The following CFAP299 variants were observed in gnomAD, a reference collection of about 807,000 sequenced individuals.
The protein encoded by CFAP299 is cilia- and flagella-associated protein 299.
CFAP299 carries 21 observed loss-of-function variants against 27.0 expected under a neutral mutation model. The ratio of observed to expected loss-of-function variants is 0.78; its 90% confidence interval spans 0.55 to 1.12. The LOEUF is 1.12. Among genes scored for constraint, CFAP299 ranks in the 50% most tolerant of loss-of-function variants. The probability of loss-of-function intolerance (pLI) is 0.00; values close to 1 mark genes in which losing one functional copy is unlikely to be tolerated. For missense variants in CFAP299, 310 were observed against 276.6 expected (o/e 1.12, Z -0.86); for synonymous variants, 104 against 98.1 (o/e 1.06, Z -0.36).
intron 2 of CFAP299, among the ~76,000 whole-genome samples, chr4:80,482,202 T>G (rs2110128624): frequency 6.6e-6 from 1 of 151,678 alleles, no homozygotes; most frequent in East Asian, 1.9e-4. Context: ...AATGAGAAAG[T>G]GCACATTAAA....
At chr4:80,406,936 G>A (rs566028766) in intron 2 of CFAP299, among the ~76,000 whole-genome samples, 9 of 152,040 alleles carry the variant, frequency 5.9e-5, no homozygotes, top group East Asian at 1.9e-4. Flanking sequence ...GTGGTAGGGC[G>A]CTGTATGTTT....
chr4:80,638,916 G>T (rs879291218), intron 3 of CFAP299, among the ~76,000 whole-genome samples: 1 of 152,154 alleles, frequency 6.6e-6, no homozygotes, highest in Non-Finnish European at 1.5e-5. Flanking sequence ...TGAGATGAGC[G>T]AGTGTGGTAG....
intron 2 of CFAP299, among the ~76,000 whole-genome samples, chr4:80,393,060 T>C (rs992985484): frequency 1.3e-5 from 2 of 152,126 alleles, no homozygotes; most frequent in African/African-American, 4.8e-5. Flanking sequence ...GTGATATTGA[T>C]GATCCTGACC....
chr4:80,727,141 C>A (rs967436464), intron 3 of CFAP299, among the ~76,000 whole-genome samples: 1 of 151,888 alleles, frequency 6.6e-6, no homozygotes, highest in Non-Finnish European at 1.5e-5. Flanking sequence ...TATGAAAGAA[C>A]GTCTATGTAT....
chr4:80,817,632 A>G (rs1325060665), intron 3 of CFAP299, among the ~76,000 whole-genome samples: 1 of 152,092 alleles, frequency 6.6e-6, no homozygotes, highest in East Asian at 1.9e-4. Flanking sequence ...AGGTACCATC[A>G]TCAATGATTC....
At chr4:80,366,246 C>T (rs1001190959) in intron 2 of CFAP299, among the ~76,000 whole-genome samples, 1 of 152,198 alleles carries the variant, frequency 6.6e-6, no homozygotes, top group African/African-American at 2.4e-5. Flanking sequence ...GATCATCTTA[C>T]ATTAACTTCT....
intron 3 of CFAP299, among the ~76,000 whole-genome samples, chr4:80,862,801 T>TTA (rs138583016): frequency 0.038 from 5,714 of 152,034 alleles, 160 homozygotes; most frequent in Non-Finnish European, 0.056. Flanking sequence ...ATTATATATT[T>TTA]TATATATATA....
intron 3 of CFAP299, among the ~76,000 whole-genome samples, chr4:80,796,314 T>C (rs1727858799): frequency 6.6e-6 from 1 of 152,176 alleles, no homozygotes; most frequent in African/African-American, 2.4e-5. Flanking sequence ...TTATTTCCCA[T>C]CCTCTGGCAT....
At chr4:80,956,508 C>T (rs1422363875) in intron 5 of CFAP299, among the ~76,000 whole-genome samples, 3 of 152,122 alleles carry the variant, frequency 2.0e-5, no homozygotes, top group Non-Finnish European at 4.4e-5. Context: ...CATAAACTCA[C>T]TGTAGCCTAG....
intron 2 of CFAP299, among the ~76,000 whole-genome samples, chr4:80,564,539 A>T (rs1735189700): frequency 6.6e-6 from 1 of 152,032 alleles, no homozygotes; most frequent in African/African-American, 2.4e-5. Flanking sequence ...TCAACATAAT[A>T]AAAGCCATGT....
rs542398433 is a variant in CFAP299 at position 80,812,626 on chromosome 4, CA to C, written c.334-57366del. Among the ~76,000 whole-genome samples the C allele has an allele frequency of 1.7e-3, 258 of 152,200 alleles. 2 individuals are homozygous for C. Among genetic ancestry groups the C allele is most frequent in the African/African-American group, 6.0e-3 (250 of 41,542 alleles). On this transcript the variant is annotated intron_variant, in intron 3 of 5. Coordinates refer to ENST00000358105, the MANE Select transcript of CFAP299 (RefSeq NM_152770.3). ...GCTTTATGAACTAATGTAGAACTTG[CA>C]GTCTAGTGCAGACAACCAAGGTGGT...
chr4:80,800,550 CAATATATTATATAATATATTAATATA>C (rs1728478433), intron 3 of CFAP299, among the ~76,000 whole-genome samples: 1 of 18,744 alleles, frequency 5.3e-5, no homozygotes, highest in Non-Finnish European at 7.9e-5. Context: ...TATAATATAT[CAATATATTATATAATATATTAATATA>C]AATATATAAT....
At chr4:80,546,783 C>G (rs922595281) in intron 2 of CFAP299, among the ~76,000 whole-genome samples, 1 of 152,120 alleles carries the variant, frequency 6.6e-6, no homozygotes, top group South Asian at 2.1e-4. Flanking sequence ...CCCTGAGACT[C>G]TCTCAGAAGC....
At chr4:80,378,986 T>G (rs531147895) in intron 2 of CFAP299, among the ~76,000 whole-genome samples, 10 of 152,222 alleles carry the variant, frequency 6.6e-5, no homozygotes, top group African/African-American at 1.9e-4. Context: ...TTACTTGCTC[T>G]TCTACTTTTT....
intron 2 of CFAP299, among the ~76,000 whole-genome samples, chr4:80,465,018 G>A (rs1207710119): frequency 6.6e-6 from 1 of 151,854 alleles, no homozygotes; most frequent in Non-Finnish European, 1.5e-5. Flanking sequence ...CTTGTTTTAA[G>A]GAATTAATCA....
chr4:80,949,022 T>C (rs556855824), intron 5 of CFAP299, among the ~76,000 whole-genome samples: 18 of 152,292 alleles, frequency 1.2e-4, no homozygotes, highest in African/African-American at 4.3e-4. Flanking sequence ...GAAATCTTTA[T>C]TTTGGTCTAT....
intron 4 of CFAP299, among the ~76,000 whole-genome samples, chr4:80,928,569 A>T (rs1315298963): frequency 1.3e-5 from 2 of 152,134 alleles, no homozygotes; most frequent in Non-Finnish European, 2.9e-5. Context: ...GTGAGGGATG[A>T]GGTTGCAATG....
At chr4:80,473,768 T>A (rs1730131989) in intron 2 of CFAP299, among the ~76,000 whole-genome samples, 1 of 152,090 alleles carries the variant, frequency 6.6e-6, no homozygotes, top group South Asian at 2.1e-4. Flanking sequence ...TTTTTTAAAT[T>A]TTTTGTAGAG....
At chr4:80,818,890 T>C (rs577990927) in intron 3 of CFAP299, among the ~76,000 whole-genome samples, 1 of 152,164 alleles carries the variant, frequency 6.6e-6, no homozygotes, top group South Asian at 2.1e-4. Flanking sequence ...CTGAAGCACA[T>C]TGAAGGGAGA....
Sources: gnomAD v4.1 joint callset for allele counts (sites outside exome capture counted in the v4.1 genomes callset) on GRCh38, gnomAD v4.1.1 for gene constraint, MANE v1.5 for transcripts, NCBI Gene and HGNC (gene_info 2026-07-23, HGNC 2026-07-21) for gene names.